Variants in MACROD2 observed in about 807,000 individuals in gnomAD.
MACROD2 encodes the protein mono-ADP ribosylhydrolase 2.
MACROD2 carries 36 observed loss-of-function variants against 70.4 expected under a neutral mutation model. The observed-to-expected ratio is 0.51, with a 90% confidence interval of 0.39 to 0.68. MACROD2 has a LOEUF of 0.68. Among genes scored for constraint, MACROD2 ranks in the 30% least tolerant of loss-of-function variants. The pLI, the probability that MACROD2 is intolerant of heterozygous loss-of-function variation, is 0.00. For synonymous variants in MACROD2, 172 were observed against 178.8 expected, an observed-to-expected ratio of 0.96 and a Z score of 0.30; for missense variants, 496 against 538.4, an observed-to-expected ratio of 0.92 and a Z score of 0.78.
chr20:14,700,377 T>C (rs1489599393), intron 5 of MACROD2, among the ~76,000 whole-genome samples: 1 of 152,150 alleles, frequency 6.6e-6, no homozygotes, highest in African/African-American at 2.4e-5. Context: ...AAATTTTCAT[T>C]ATGGACCTTT....
At chr20:14,690,545 G>A (rs1318869229) in intron 5 of MACROD2, among the ~76,000 whole-genome samples, 1 of 152,158 alleles carries the variant, frequency 6.6e-6, no homozygotes, top group Non-Finnish European at 1.5e-5. Context: ...AAATTCCTAT[G>A]AGGAGGTGAC....
At chr20:15,431,269 C>A in intron 6 of MACROD2, 136 bp from the exon 7 acceptor site, 1 of 694,298 alleles carries the variant, frequency 1.4e-6, no homozygotes, top group Non-Finnish European at 2.5e-6. Context: ...TTTCCAGTGT[C>A]CCCTACTCCA....
In MACROD2 at chr20:15,979,455, G is replaced by A. The variant is rs6135626; in HGVS notation, c.986-7272G>A. Among the ~76,000 whole-genome samples, 46 of 152,112 alleles carry A rather than the reference G, an allele frequency of 3.0e-4. 1 individual carries two copies. The South Asian group carries it at 7.3e-3, about 24-fold the overall frequency. The stretch of plus-strand genomic sequence containing the variant: ...ACACTTGTCCCACAAGGGCTGCTGC[G>A]TGTCACATTGTCACAGACAGGGAAA... On this transcript the variant is annotated intron_variant, in intron 13 of 17. Coordinates refer to ENST00000684519, the MANE Select transcript of MACROD2 (RefSeq NM_001351661.2).
chr20:15,631,454 T>C (rs1470449021), intron 8 of MACROD2, among the ~76,000 whole-genome samples: 1 of 152,210 alleles, frequency 6.6e-6, no homozygotes. Flanking sequence ...AAACACATTC[T>C]TTCAACTCTG....
intron 7 of MACROD2, among the ~76,000 whole-genome samples, chr20:15,486,930 G>A (rs558738862): frequency 1.3e-5 from 2 of 152,312 alleles, no homozygotes; most frequent in South Asian, 4.1e-4. Context: ...AAGACTGCGG[G>A]TTGGCTGTGG....
rs1345672196 is a variant in MACROD2, at chr20:14,757,989, C to T, written c.418+73030C>T. 3.7e-6 allele frequency: 3 copies of T among 809,466 alleles called. No individual in the cohort carries two copies. The African/African-American group carries it at 5.0e-5, about 14-fold the overall frequency. 50.1% of individuals were successfully genotyped at this position (809,466 alleles called of 1,614,324 possible). A position where few individuals can be genotyped will look rare whatever the true frequency, so the allele number is the denominator to read the frequency against. Reference sequence around the variant, plus strand: ...GCCGACAAGAAAGCCGAGGCTGGGACTGGGTCAGCAACTGAATTCCAGTTT... The same window carrying T: ...GCCGACAAGAAAGCCGAGGCTGGGATTGGGTCAGCAACTGAATTCCAGTTT... On this transcript the variant is annotated intron_variant, in intron 5 of 17. Transcript: ENST00000684519.
chr20:15,203,123 C>G (rs1172913503), intron 5 of MACROD2, among the ~76,000 whole-genome samples: 9 of 152,234 alleles, frequency 5.9e-5, no homozygotes, highest in Middle Eastern at 3.4e-3. Flanking sequence ...TTCAAATTGT[C>G]ATAAAGTTTT....
At chr20:15,063,262 C>G (rs922955438) in intron 5 of MACROD2, among the ~76,000 whole-genome samples, 6 of 147,252 alleles carry the variant, frequency 4.1e-5, no homozygotes, top group African/African-American at 1.5e-4. Context: ...ATATATGATG[C>G]TGTCAAGAAA....
At chr20:14,456,255 A>G (rs183584633) in intron 3 of MACROD2, among the ~76,000 whole-genome samples, 1 of 151,990 alleles carries the variant, frequency 6.6e-6, no homozygotes, top group Admixed American at 6.5e-5. Context: ...CCCAGGAGTG[A>G]ATAAGGTTAC....
intron 8 of MACROD2, among the ~76,000 whole-genome samples, chr20:15,635,149 T>G (rs2049344609): frequency 6.6e-6 from 1 of 152,212 alleles, no homozygotes; most frequent in Non-Finnish European, 1.5e-5. Context: ...TTCAATCCCA[T>G]TCTACATGAA....
At chr20:15,344,961 G>T (rs2078149042) in intron 6 of MACROD2, among the ~76,000 whole-genome samples, 1 of 152,172 alleles carries the variant, frequency 6.6e-6, no homozygotes, top group East Asian at 1.9e-4. Flanking sequence ...AGTTCCAGAG[G>T]CTGGAAGCCT....
Position 14,720,536 on chromosome 20 carries a change from C to CTTTTTTTTTTTTTTTTTTTTTT in MACROD2, c.418+35590_418+35611dup, listed in dbSNP as rs753673265. Reference sequence around the variant, plus strand: ...GTTTCATTTCCCAGCTGCCCCACAACTTTTTTTTTTTTTTTTTTTTTTTTT... The same window carrying CTTTTTTTTTTTTTTTTTTTTTT: ...GTTTCATTTCCCAGCTGCCCCACAACTTTTTTTTTTTTTTTTTTTTTTTTTTTTTTTTTTTTTTTTTTTTTTT... On this transcript the variant is annotated intron_variant, in intron 5 of 17. Transcript: ENST00000684519. 3.1e-4 allele frequency among the ~76,000 whole-genome samples: 11 copies of CTTTTTTTTTTTTTTTTTTTTTT among 35,946 alleles called. 3 individuals carry two copies. Among genetic ancestry groups the CTTTTTTTTTTTTTTTTTTTTTT allele is most frequent in the African/African-American group, 4.3e-4 (4 of 9,260 alleles). The allele number at this position is 35,946 out of a possible 152,430, so 23.6% of individuals were successfully genotyped here. A position where few individuals can be genotyped will look rare whatever the true frequency, so the allele number is the denominator to read the frequency against.
chr20:15,584,564 A>G lies in MACROD2; in HGVS notation c.645+84717A>G, dbSNP rs74940975. Among the ~76,000 whole-genome samples the G allele has an allele frequency of 4.1e-3, 630 of 152,384 alleles. 5 individuals carry two copies. Among genetic ancestry groups the G allele is most frequent in the African/African-American group, 0.014 (576 of 41,594 alleles). ...AGAAAAACCCTAAGCAAATAAAAGTAAAAGGGATTTAAATTGGTGGAAGAG... is the reference window on the plus strand; with the variant it reads ...AGAAAAACCCTAAGCAAATAAAAGTGAAAGGGATTTAAATTGGTGGAAGAG... On this transcript the variant is annotated intron_variant, in intron 8 of 17. Transcript: ENST00000684519.
At chr20:15,627,335 C>T (rs978251379) in intron 8 of MACROD2, among the ~76,000 whole-genome samples, 2 of 151,854 alleles carry the variant, frequency 1.3e-5, no homozygotes, top group Non-Finnish European at 2.9e-5. Flanking sequence ...GGTAATGTGA[C>T]CACCCAACAA....
At chr20:14,714,572 C>T (rs2071376163) in intron 5 of MACROD2, among the ~76,000 whole-genome samples, 1 of 152,174 alleles carries the variant, frequency 6.6e-6, no homozygotes, top group Admixed American at 6.6e-5. Context: ...CATCCTTCAC[C>T]CTGCTCACTC....
At chr20:14,372,791 G>T (rs1023114210) in intron 3 of MACROD2, among the ~76,000 whole-genome samples, 1 of 151,968 alleles carries the variant, frequency 6.6e-6, no homozygotes, top group African/African-American at 2.4e-5. Flanking sequence ...TCTATCCTTG[G>T]ATTTGTTTTC....
At chr20:15,799,440 TTCC>T (rs1236095601) in intron 8 of MACROD2, among the ~76,000 whole-genome samples, 18 of 152,172 alleles carry the variant, frequency 1.2e-4, no homozygotes, top group Admixed American at 1.2e-3. Context: ...CCTCCCTTCA[TTCC>T]TCCTCCCACC....
chr20:15,062,636 C>CT (rs2075541991), intron 5 of MACROD2, among the ~76,000 whole-genome samples: 1 of 151,924 alleles, frequency 6.6e-6, no homozygotes, highest in South Asian at 2.1e-4. Flanking sequence ...ATTGTTTTTT[C>CT]TTTTAACTAA....
chr20:15,281,992 G>A (rs1264700343), intron 6 of MACROD2, among the ~76,000 whole-genome samples: 1 of 152,218 alleles, frequency 6.6e-6, no homozygotes, highest in Non-Finnish European at 1.5e-5. Context: ...TTATGTACCT[G>A]CAGGCCCAAC....
Sources: gnomAD v4.1 joint callset for allele counts (sites outside exome capture counted in the v4.1 genomes callset) on GRCh38, gnomAD v4.1.1 for gene constraint, MANE v1.5 for transcripts, NCBI Gene and HGNC (gene_info 2026-07-23, HGNC 2026-07-21) for gene names.